PIGL: variants seen among roughly 807,000 people sequenced by gnomAD.
PIGL encodes phosphatidylinositol glycan anchor biosynthesis class L.
A neutral mutation model predicts 31.1 loss-of-function variants in PIGL; 22 were observed. The observed-to-expected ratio is 0.71, with a 90% CI of 0.51 to 1.01. The LOEUF (loss-of-function observed/expected upper bound fraction) is 1.01, where lower values mean the gene tolerates loss of function less well. PIGL is among the 50% of genes least tolerant of loss of function. The probability of loss-of-function intolerance (pLI) is 0.00; values close to 1 mark genes in which losing one functional copy is unlikely to be tolerated. For synonymous variants in PIGL, 131 were observed against 117.4 expected, an observed-to-expected ratio of 1.12 and a Z score of -0.75; for missense variants, 302 against 315.9, an observed-to-expected ratio of 0.96 and a Z score of 0.33.
chr17:16,308,327 G>A (rs1346419054), intron 3 of PIGL, among the ~76,000 whole-genome samples: 1 of 138,958 alleles, frequency 7.2e-6, no homozygotes, highest in East Asian at 2.1e-4. Flanking sequence ...GTGAAACTCC[G>A]TCTCAAAAAA....
intron 2 of PIGL, among the ~76,000 whole-genome samples, chr17:16,234,557 A>C (rs2092691967): frequency 6.6e-6 from 1 of 152,238 alleles, no homozygotes; most frequent in African/African-American, 2.4e-5. Context: ...TCAGGTCAGG[A>C]GTTCAAGACC....
At chr17:16,259,747 T>C (rs1281312222) in intron 2 of PIGL, among the ~76,000 whole-genome samples, 2 of 151,292 alleles carry the variant, frequency 1.3e-5, no homozygotes, top group Non-Finnish European at 2.9e-5. Context: ...GGTGGGGGAG[T>C]GGGCATGGCT....
At chr17:16,249,983 G>A (rs1032133384) in intron 2 of PIGL, among the ~76,000 whole-genome samples, 6 of 152,150 alleles carry the variant, frequency 3.9e-5, no homozygotes, top group African/African-American at 1.4e-4. Context: ...TTTCACTCTT[G>A]TTGCCCAGGC....
intron 2 of PIGL, among the ~76,000 whole-genome samples, chr17:16,297,636 C>T (rs919918765): frequency 6.6e-6 from 1 of 152,176 alleles, no homozygotes; most frequent in Non-Finnish European, 1.5e-5. Flanking sequence ...TTATGTTTTA[C>T]ACACTATATT....
At chr17:16,220,357 TATAG>T (rs2092621171) in intron 1 of PIGL, among the ~76,000 whole-genome samples, 1 of 151,824 alleles carries the variant, frequency 6.6e-6, no homozygotes, top group East Asian at 1.9e-4. Flanking sequence ...AAAAAATATA[TATAG>T]AGAGAGAGAG....
chr17:16,299,917 G>A lies in PIGL; in HGVS notation c.365G>A (p.Trp122Ter), dbSNP rs1326127294. 6 of 1,614,012 alleles carry A rather than the reference G, an allele frequency of 3.7e-6. No homozygotes were observed. Among genetic ancestry groups the A allele is most frequent in the Non-Finnish European group, 5.1e-6 (6 of 1,179,876 alleles). ...RDFPDDPGMQ[W>*]DTEHVARVLL... is the part of the protein sequence containing the mutation. ...TTCCCAGATGACCCAGGCATGCAGT[G>A]GGACACAGAGCACGTGGCCAGAGTC... Residue 122 changes from tryptophan (W) to a stop codon, truncating the protein, a stop_gained, in exon 3 of 7, where the codon TGG (tryptophan) becomes TAG (stop). Transcript: ENST00000225609. LOFTEE classifies it high-confidence loss of function.
At chr17:16,321,486 C>T (rs552138655) in intron 6 of PIGL, among the ~76,000 whole-genome samples, 3 of 152,062 alleles carry the variant, frequency 2.0e-5, no homozygotes, top group South Asian at 2.1e-4. Context: ...GTGATCCACC[C>T]GCCTTGGCCT....
chr17:16,226,861 A>T (rs2142651401), intron 1 of PIGL, among the ~76,000 whole-genome samples: 1 of 152,266 alleles, frequency 6.6e-6, no homozygotes, highest in South Asian at 2.1e-4. Context: ...CACCAAGGAT[A>T]TGTAGATGTT....
Position 16,255,566 on chromosome 17 carries a change from G to A in PIGL, c.335+21496G>A, listed in dbSNP as rs560937707. 2.9e-4 allele frequency among the ~76,000 whole-genome samples: 44 copies of A among 152,276 alleles called. 1 individual carries two copies. The South Asian group carries it at 7.9e-3, about 27-fold the overall frequency. On this transcript the variant is annotated intron_variant, in intron 2 of 6. Transcript: ENST00000225609. ...TGCAAATCGTAACAGGGAAAGAGAA[G>A]CCACAAAGCAGAGGCTGGGACTGTT...
chr17:16,217,372 ACC>A lies in PIGL; in HGVS notation c.148_149del (p.Pro50Ter). The A allele has an allele frequency of 6.2e-7, 1 of 1,614,042 alleles. No individual in the cohort carries two copies. Among genetic ancestry groups the A allele is most frequent in the Middle Eastern group, 1.6e-4 (1 of 6,062 alleles). Reference sequence around the variant, plus strand: ...AGCCGGACCCTGCTGGTCATAGCGCACCCTGACGATGAAGCCATGTTTTTTGC... The same window carrying A: ...AGCCGGACCCTGCTGGTCATAGCGCACTGACGATGAAGCCATGTTTTTTGC... On this transcript the variant is annotated frameshift_variant, in exon 1 of 7. Transcript: ENST00000225609. LOFTEE classifies it high-confidence loss of function.
At chr17:16,305,889 TC>T (rs1313030585) in intron 3 of PIGL, among the ~76,000 whole-genome samples, 2 of 152,166 alleles carry the variant, frequency 1.3e-5, no homozygotes, top group Non-Finnish European at 2.9e-5. Context: ...GCTCAAATGA[TC>T]CTCCTGCCTC....
chr17:16,223,153 C>G (rs2092636916), intron 1 of PIGL, among the ~76,000 whole-genome samples: 1 of 152,178 alleles, frequency 6.6e-6, no homozygotes, highest in African/African-American at 2.4e-5. Context: ...AAAATTTTGA[C>G]TTGGTTTAAT....
In PIGL at chr17:16,274,856, AC is replaced by A. The variant is rs968060194; in HGVS notation, c.336-25028del. On this transcript the variant is annotated intron_variant, in intron 2 of 6. Transcript: ENST00000225609. ...AGACCAGCCTGGCCAACATGGCAAA[AC>A]CCCGTCTCTACTAAATATACAAAAA... 4.6e-4 allele frequency among the ~76,000 whole-genome samples: 69 copies of A among 151,524 alleles called. 2 individuals are homozygous for A. Among genetic ancestry groups the A allele is most frequent in the Admixed American group, 4.5e-3 (69 of 15,170 alleles).
intron 2 of PIGL, among the ~76,000 whole-genome samples, chr17:16,246,628 T>A (rs2092748521): frequency 6.6e-6 from 1 of 150,996 alleles, no homozygotes; most frequent in Non-Finnish European, 1.5e-5. Flanking sequence ...ACAATAGAAA[T>A]TTATTTTCCC....
At chr17:16,249,823 C>A (rs1310822174) in intron 2 of PIGL, among the ~76,000 whole-genome samples, 8 of 152,232 alleles carry the variant, frequency 5.3e-5, no homozygotes, top group Non-Finnish European at 4.4e-5. Context: ...GCATGTCTTC[C>A]CCTGTCAGTT....
At chr17:16,256,239 C>T (rs1418318736) in intron 2 of PIGL, among the ~76,000 whole-genome samples, 4 of 152,200 alleles carry the variant, frequency 2.6e-5, no homozygotes, top group African/African-American at 7.2e-5. Flanking sequence ...TGTTTTATAG[C>T]CATGGTCTAG....
chr17:16,313,644 G>A (rs1048362121), intron 4 of PIGL, 30 bp downstream of exon 4: 1 of 1,556,788 alleles, frequency 6.4e-7, no homozygotes, highest in Non-Finnish European at 8.9e-7. Flanking sequence ...GGATGTGGGG[G>A]AGGGTTTGTT....
At chr17:16,261,569 A>C (rs2092819414) in intron 2 of PIGL, among the ~76,000 whole-genome samples, 1 of 152,160 alleles carries the variant, frequency 6.6e-6, no homozygotes, top group African/African-American at 2.4e-5. Flanking sequence ...TACAACAAAA[A>C]GACAAAAAAT....
chr17:16,267,644 A>G (rs1308595144), intron 2 of PIGL, among the ~76,000 whole-genome samples: 3 of 151,438 alleles, frequency 2.0e-5, no homozygotes, highest in Non-Finnish European at 4.4e-5. Context: ...GCAGTGGGCT[A>G]TGATGGTGTC....
Sources: gnomAD v4.1 joint callset for allele counts (sites outside exome capture counted in the v4.1 genomes callset) on GRCh38, gnomAD v4.1.1 for gene constraint, MANE v1.5 for transcripts, NCBI Gene and HGNC (gene_info 2026-07-23, HGNC 2026-07-21) for gene names.